SLC38A9: variants seen among roughly 807,000 people sequenced by gnomAD.
SLC38A9 encodes the protein solute carrier family 38 member 9, also known as neutral amino acid transporter 9.
Under a neutral mutation model 62.3 loss-of-function variants are expected in SLC38A9, and 48 were observed. The observed-to-expected ratio is 0.77, with a 90% CI of 0.61 to 0.98. The LOEUF (loss-of-function observed/expected upper bound fraction) is 0.98, where lower values mean the gene tolerates loss of function less well. SLC38A9 is among the 50% of genes least tolerant of loss of function. The probability of loss-of-function intolerance (pLI) is 0.00; values close to 1 mark genes in which losing one functional copy is unlikely to be tolerated. For synonymous variants in SLC38A9, 204 were observed against 227.7 expected (o/e 0.90, Z 0.94); for missense variants, 541 against 679.8 (o/e 0.80, Z 2.27).
In SLC38A9 at chr5:55,656,769, T is replaced by C. The variant is rs1419414868; in HGVS notation, c.703A>G (p.Ile235Val). ...FNTGKFIFNF[I>V]HHINDTDTIL... ...GTGTCTGTGTCATTAATGTGATGAA[T>C]AAAATCTAAAAATAAAGGAAAAAAT... The change falls in exon 9 of 16, where the codon ATT (isoleucine) becomes GTT (valine). Residue 235 changes from isoleucine (I) to valine (V), a missense_variant. Transcript: ENST00000396865. The C allele has an allele frequency of 2.0e-6, 3 of 1,538,422 alleles. No individual in the cohort carries two copies. In the African/African-American group the frequency reaches 4.1e-5, roughly 21 times the overall value.
intron 4 of SLC38A9, among the ~76,000 whole-genome samples, chr5:55,670,158 G>A (rs1334186688): frequency 1.3e-5 from 2 of 150,326 alleles, no homozygotes; most frequent in East Asian, 3.9e-4. Context: ...GTAGAGACGG[G>A]GTTTCACCAT....
At chr5:55,706,385 G>A (rs1018035032) in intron 2 of SLC38A9, among the ~76,000 whole-genome samples, 4 of 152,144 alleles carry the variant, frequency 2.6e-5, no homozygotes, top group African/African-American at 9.7e-5. Context: ...TTCACTTTCT[G>A]GAAATTAATA....
At chr5:55,677,819 A>G (rs1752329227) in intron 3 of SLC38A9, among the ~76,000 whole-genome samples, 1 of 151,582 alleles carries the variant, frequency 6.6e-6, no homozygotes, top group Admixed American at 6.6e-5. Flanking sequence ...GTGAGCCAAC[A>G]TGCCTGCCCA....
At chr5:55,696,716 C>CCCG (rs1755846276) in intron 3 of SLC38A9, 1 of 146,148 alleles carries the variant, frequency 6.8e-6, no homozygotes, top group Non-Finnish European at 1.5e-5. Flanking sequence ...CCCCCACCTC[C>CCCG]CTCCCGGACG....
At chr5:55,629,988 A>G (rs1743145281) in intron 14 of SLC38A9, among the ~76,000 whole-genome samples, 1 of 152,190 alleles carries the variant, frequency 6.6e-6, no homozygotes. Flanking sequence ...TTACAAAATC[A>G]TGCATGCGTA....
chr5:55,684,674 G>A (rs182556766), intron 3 of SLC38A9, among the ~76,000 whole-genome samples: 93 of 152,250 alleles, frequency 6.1e-4, no homozygotes, highest in African/African-American at 2.1e-3. Flanking sequence ...GCTTTTCTGA[G>A]ATGGAGTCTC....
At chr5:55,631,770 C>T (rs1042843936) in intron 14 of SLC38A9, among the ~76,000 whole-genome samples, 14 of 152,182 alleles carry the variant, frequency 9.2e-5, no homozygotes, top group African/African-American at 3.4e-4. Flanking sequence ...ACTGTAAATG[C>T]AATTTTTTTC....
chr5:55,652,835 C>CTCTT (rs1554055427), intron 9 of SLC38A9, 112 bp from the exon 10 acceptor site: 1 of 789,128 alleles, frequency 1.3e-6, no homozygotes, highest in Admixed American at 2.9e-5. Context: ...CCAACCTCAA[C>CTCTT]TCTTCCTAGG....
chr5:55,652,677 A>G lies in SLC38A9; in HGVS notation c.804T>C (p.Ser268=), dbSNP rs200163470. 152 of 1,613,540 alleles carry G rather than the reference A, an allele frequency of 9.4e-5. No homozygotes were observed. The Middle Eastern group carries it at 1.2e-3, about 12-fold the overall frequency. ...AGSGGHPDNS[S]MIFYANDTGA... is the part of the protein sequence containing the mutation. ...CTGTGTCATTGGCATAGAAAATCATAGAGCTGTTGTCAGGATGGCCTCCAC... is the reference window on the plus strand; with the variant it reads ...CTGTGTCATTGGCATAGAAAATCATGGAGCTGTTGTCAGGATGGCCTCCAC... The change falls in exon 10 of 16, where the codon TCT becomes TCC. Residue 268 remains serine (S), a synonymous_variant. Transcript: ENST00000396865.
chr5:55,685,996 GTGTA>G (rs1370829599), intron 3 of SLC38A9, among the ~76,000 whole-genome samples: 2 of 152,084 alleles, frequency 1.3e-5, no homozygotes, highest in African/African-American at 4.8e-5. Context: ...GCATTGAATG[GTGTA>G]TGCATTTTCT....
chr5:55,670,497 T>A (rs554410039), intron 4 of SLC38A9, among the ~76,000 whole-genome samples: 1 of 152,180 alleles, frequency 6.6e-6, no homozygotes, highest in Admixed American at 6.5e-5. Context: ...AAAGCAAGAG[T>A]TTAAAAATCC....
Position 55,664,717 on chromosome 5 carries a change from A to G in SLC38A9, c.673T>C (p.Phe225Leu). 4 of 1,557,864 alleles carry G rather than the reference A, an allele frequency of 2.6e-6. No homozygotes were observed. The highest frequency in any genetic ancestry group is 3.4e-6 in the Non-Finnish European group (4 of 1,159,906). The change falls in exon 8 of 16, where the codon TTT (phenylalanine) becomes CTT (leucine). Residue 225 changes from phenylalanine (F) to leucine (L), a missense_variant. By Grantham distance (22) the Phe-to-Leu change is conservative. Transcript: ENST00000396865. ...CTAAAAATAAACTTTCCAGTATTAA[A>G]AAGAAAATTTGACATAAGCACCCAA... ...VYWVLMSNFL[F>L]NTGKFIFNFI...
chr5:55,626,773 T>C, intron 15 of SLC38A9, 114 bp from the exon 16 acceptor site: 1 of 924,622 alleles, frequency 1.1e-6, no homozygotes, highest in Non-Finnish European at 1.5e-6. Flanking sequence ...ACAAAAATTA[T>C]TTTTGATTCA....
At chr5:55,700,305 C>T (rs1274542967) in intron 2 of SLC38A9, among the ~76,000 whole-genome samples, 1 of 150,070 alleles carries the variant, frequency 6.7e-6, no homozygotes, top group African/African-American at 2.5e-5. Context: ...TGCACCACTG[C>T]ACTCCAGCCT....
At chr5:55,672,813 T>C in intron 3 of SLC38A9, 118 bp from the exon 4 acceptor site, 1 of 956,224 alleles carries the variant, frequency 1.0e-6, no homozygotes, top group Non-Finnish European at 1.5e-6. Flanking sequence ...GGCAAGGCAT[T>C]GACTTCTCAC....
At chr5:55,656,860 C>CTTTTTTTTTTTT (rs11397177) in intron 8 of SLC38A9, 86 bp from the exon 9 acceptor site, 1 of 435,800 alleles carries the variant, frequency 2.3e-6, no homozygotes, top group Non-Finnish European at 3.8e-6. Flanking sequence ...TTATAAAAAT[C>CTTTTTTTTTTTT]TTTTTTTTTT....
intron 3 of SLC38A9, among the ~76,000 whole-genome samples, chr5:55,692,176 GA>G (rs1310066440): frequency 2.6e-5 from 4 of 152,070 alleles, no homozygotes; most frequent in Admixed American, 1.3e-4. Flanking sequence ...ATGCGTATTA[GA>G]AAAAAAGCAT....
intron 2 of SLC38A9, among the ~76,000 whole-genome samples, chr5:55,705,307 T>A (rs2150709289): frequency 6.6e-6 from 1 of 152,178 alleles, no homozygotes; most frequent in African/African-American, 2.4e-5. Context: ...AAACACAAGT[T>A]AATAGAAGAT....
rs1371252740 is a variant in SLC38A9, at chr5:55,651,246, A to ATTT, written c.952+1282_952+1283insAAA. ...TTTCACTGGGGGGGTTCCTTTTGCC[A>ATTT]TCTTTTTTTTTTTTTTTTTTTTAAG... On this transcript the variant is annotated intron_variant, in intron 10 of 15. Coordinates refer to ENST00000396865, the MANE Select transcript of SLC38A9 (RefSeq NM_173514.4). Among the ~76,000 whole-genome samples, 24 of 114,110 alleles carry ATTT rather than the reference A, an allele frequency of 2.1e-4. 8 individuals carry two copies. Among genetic ancestry groups the ATTT allele is most frequent in the South Asian group, 5.6e-4 (2 of 3,564 alleles). The allele number at this position is 114,110 out of a possible 152,430, so 74.9% of individuals were successfully genotyped here. A position where few individuals can be genotyped will look rare whatever the true frequency, so the allele number is the denominator to read the frequency against.
Sources: allele counts gnomAD v4.1 joint callset (sites outside exome capture counted in the v4.1 genomes callset), GRCh38; gene constraint gnomAD v4.1.1; transcripts MANE v1.5; gene names NCBI Gene and HGNC (gene_info 2026-07-23, HGNC 2026-07-21).